The following PTPRE variants were observed in gnomAD, a reference collection of about 807,000 sequenced individuals.
The protein encoded by PTPRE is receptor-type tyrosine-protein phosphatase epsilon.
PTPRE carries 51 observed loss-of-function variants against 102.0 expected under a neutral mutation model. The ratio of observed to expected loss-of-function variants is 0.50; its 90% CI spans 0.40 to 0.63. PTPRE has a LOEUF of 0.63. Ranked by LOEUF, PTPRE falls within the 30% of genes least tolerant of loss-of-function variation. The pLI is 0.00. For missense variants in PTPRE, 752 were observed against 915.1 expected (o/e 0.82, Z 2.30); for synonymous variants, 345 against 348.2 (o/e 0.99, Z 0.10).
chr10:127,958,582 G>A (rs1424194747), intron 1 of PTPRE, among the ~76,000 whole-genome samples: 2 of 152,042 alleles, frequency 1.3e-5, no homozygotes, highest in Admixed American at 1.3e-4. Flanking sequence ...TATACATTTT[G>A]GATTTGATTT....
intron 1 of PTPRE, among the ~76,000 whole-genome samples, chr10:127,923,398 A>ATTTTTTT (rs35994733): frequency 9.4e-6 from 1 of 106,920 alleles, no homozygotes; most frequent in Non-Finnish European, 1.8e-5. Flanking sequence ...ACCAGTTTGA[A>ATTTTTTT]TTTTTTTTTT....
chr10:127,924,860 T>A (rs946424161), intron 1 of PTPRE, among the ~76,000 whole-genome samples: 4 of 152,202 alleles, frequency 2.6e-5, no homozygotes, highest in African/African-American at 9.7e-5. Flanking sequence ...AAGCGGACAT[T>A]GTAATGAATA....
In PTPRE at chr10:128,028,378, T is replaced by C. The variant is rs971013059; in HGVS notation, c.-7-12497T>C. On this transcript the variant is annotated intron_variant, in intron 2 of 20. Coordinates refer to ENST00000254667, the MANE Select transcript of PTPRE (RefSeq NM_006504.6). The surrounding 1 kb of genome is among the most constrained non-coding windows in gnomAD (Gnocchi z 4.5). ...GGGGATTAGGACCTGAAGGATATCA[T>C]TGAGCCCGCGCCCGCCCCAGGCTGG... is the stretch of plus-strand genomic sequence containing the variant. 6.6e-6 allele frequency among the ~76,000 whole-genome samples: 1 copy of C among 152,116 alleles called. No homozygotes were observed. Among genetic ancestry groups the C allele is most frequent in the Admixed American group, 6.6e-5 (1 of 15,260 alleles).
rs555207894 is a variant in PTPRE, at chr10:128,068,042, G to A, written c.844-81G>A. ...GCAGCCCCAGCACAGGGGAGCCCAC[G>A]GCGGCGTCCTCAGAATGAGATGCTG... On this transcript the variant is annotated intron_variant, in intron 11 of 20. Transcript: ENST00000254667. 1.4e-4 allele frequency: 204 copies of A among 1,491,778 alleles called. No individual in the cohort carries two copies. The African/African-American group carries it at 2.2e-3, about 16-fold the overall frequency. The allele number at this position is 1,491,778 out of a possible 1,614,324, so 92.4% of individuals were successfully genotyped here. A position where few individuals can be genotyped will look rare whatever the true frequency, so the allele number is the denominator to read the frequency against.
At chr10:128,066,751 G>A (rs1482407882) in intron 11 of PTPRE, among the ~76,000 whole-genome samples, 3 of 152,198 alleles carry the variant, frequency 2.0e-5, no homozygotes, top group African/African-American at 7.2e-5. Flanking sequence ...ACAGTCATTG[G>A]CATAATTAGG....
chr10:128,017,086 G>T (rs1845495768), intron 2 of PTPRE, among the ~76,000 whole-genome samples: 1 of 151,966 alleles, frequency 6.6e-6, no homozygotes, highest in African/African-American at 2.4e-5. Context: ...GAACTGAGGG[G>T]TCAGAATGCT....
chr10:127,954,143 C>T (rs1849233216), intron 1 of PTPRE, among the ~76,000 whole-genome samples: 1 of 152,182 alleles, frequency 6.6e-6, no homozygotes, highest in Non-Finnish European at 1.5e-5. Context: ...GCCTCTTTCC[C>T]CAGCCACCCC....
At chr10:127,910,077 C>T (rs1845765480) in intron 1 of PTPRE, among the ~76,000 whole-genome samples, 2 of 152,158 alleles carry the variant, frequency 1.3e-5, no homozygotes. Flanking sequence ...TTTGAGTCAC[C>T]CTCACAGAAG....
At chr10:128,032,182 A>G (rs952273596) in intron 2 of PTPRE, among the ~76,000 whole-genome samples, 3 of 151,944 alleles carry the variant, frequency 2.0e-5, no homozygotes, top group African/African-American at 7.3e-5. Flanking sequence ...CGTCTGGCTA[A>G]TTTTTGTATT....
chr10:128,067,677 C>T (rs1209176650), intron 11 of PTPRE, among the ~76,000 whole-genome samples: 2 of 152,258 alleles, frequency 1.3e-5, no homozygotes, highest in Non-Finnish European at 2.9e-5. Context: ...GTCTGGGAGA[C>T]TCCAAAGAGC....
intron 1 of PTPRE, among the ~76,000 whole-genome samples, chr10:127,916,530 A>G (rs1846220584): frequency 6.6e-6 from 1 of 152,136 alleles, no homozygotes; most frequent in East Asian, 1.9e-4. Flanking sequence ...CAGTATGAAA[A>G]CAGACTAATA....
intron 2 of PTPRE, among the ~76,000 whole-genome samples, chr10:127,989,919 T>C (rs1467125526): frequency 3.3e-5 from 5 of 152,220 alleles, no homozygotes; most frequent in South Asian, 2.1e-4. Context: ...GCCAGTAATT[T>C]GTTCATTCGC....
chr10:127,940,516 G>C (rs1330617725), intron 1 of PTPRE, among the ~76,000 whole-genome samples: 12 of 152,086 alleles, frequency 7.9e-5, no homozygotes, highest in Admixed American at 6.5e-5. Context: ...GTCCTGCACT[G>C]GCAGAGTCCC....
chr10:127,939,059 A>T (rs1848035135), intron 1 of PTPRE, among the ~76,000 whole-genome samples: 1 of 152,238 alleles, frequency 6.6e-6, no homozygotes, highest in South Asian at 2.1e-4. Flanking sequence ...CCCTTTGAAA[A>T]AAATTTTATG....
intron 8 of PTPRE, 94 bp from the exon 9 acceptor site, chr10:128,061,585 G>A (rs1849594172): frequency 6.9e-7 from 1 of 1,440,450 alleles, no homozygotes; most frequent in Admixed American, 3.1e-5. Context: ...ATTTTCCATG[G>A]TGAATATGTA....
intron 10 of PTPRE, 112 bp from the exon 11 acceptor site, chr10:128,065,963 G>T: frequency 1.4e-6 from 2 of 1,466,106 alleles, no homozygotes; most frequent in Non-Finnish European, 1.9e-6. Flanking sequence ...TCAGCTGTGG[G>T]AGCTGTGTGA....
intron 2 of PTPRE, among the ~76,000 whole-genome samples, chr10:128,022,328 C>T (rs1284314949): frequency 3.3e-5 from 5 of 152,212 alleles, no homozygotes; most frequent in Non-Finnish European, 5.9e-5. Context: ...GCCAGGGCTG[C>T]CCCCAGGCCT....
chr10:128,001,877 T>G (rs11016007), intron 2 of PTPRE, among the ~76,000 whole-genome samples: 14,435 of 152,192 alleles, frequency 0.095, 919 homozygotes, highest in Non-Finnish European at 0.13. Context: ...CGGGGCCCTA[T>G]GGGTTGAGAA....
At chr10:127,999,742 C>A (rs1403623002) in intron 2 of PTPRE, 2 of 985,176 alleles carry the variant, frequency 2.0e-6, no homozygotes, top group Non-Finnish European at 2.4e-6. Context: ...TTTCTCCCTG[C>A]TGGATCTTTG....
Sources: gnomAD v4.1 joint callset for allele counts (sites outside exome capture counted in the v4.1 genomes callset) on GRCh38, gnomAD v4.1.1 for gene constraint, Gnocchi (gnomAD v3.1) non-coding constraint, MANE v1.5 for transcripts, NCBI Gene and HGNC (gene_info 2026-07-23, HGNC 2026-07-21) for gene names.